TRPM3: variants seen among roughly 807,000 people sequenced by gnomAD.
TRPM3 encodes the protein long transient receptor potential channel 3.
A neutral mutation model predicts 181.2 loss-of-function variants in TRPM3; 77 were observed. The ratio of observed to expected loss-of-function variants is 0.42; its 90% CI spans 0.35 to 0.51. The LOEUF is 0.51. TRPM3 is among the 20% of genes least tolerant of loss of function. The pLI is 0.01. For missense variants in TRPM3, 1,759 were observed against 2,196.7 expected (o/e 0.80, Z 3.98); for synonymous variants, 745 against 796.4 (o/e 0.94, Z 1.09).
chr9:70,976,370 C>G (rs2097302922), intron 1 of TRPM3, among the ~76,000 whole-genome samples: 1 of 152,180 alleles, frequency 6.6e-6, no homozygotes, highest in Admixed American at 6.5e-5. Flanking sequence ...TCAACAACAT[C>G]CACACATGGA....
At chr9:71,240,727 C>T (rs1176343104) in intron 1 of TRPM3, among the ~76,000 whole-genome samples, 2 of 152,052 alleles carry the variant, frequency 1.3e-5, no homozygotes, top group South Asian at 2.1e-4. Context: ...GTTAGATTCA[C>T]GGAGAGAGGT....
chr9:70,602,106 C>CTTTTTTTT (rs6151027), intron 20 of TRPM3, among the ~76,000 whole-genome samples: 5,928 of 127,920 alleles, frequency 0.046, 207 homozygotes, highest in African/African-American at 0.061. Flanking sequence ...CAAGGCATTC[C>CTTTTTTTT]TTTTTTTTTT....
intron 1 of TRPM3, among the ~76,000 whole-genome samples, chr9:71,209,642 C>T (rs1158156541): frequency 5.3e-5 from 8 of 152,282 alleles, no homozygotes; most frequent in Non-Finnish European, 8.8e-5. Flanking sequence ...CTGTGGCAGG[C>T]GCTGCAAACT....
chr9:71,112,939 T>G (rs1438279432), intron 1 of TRPM3, among the ~76,000 whole-genome samples: 1 of 152,040 alleles, frequency 6.6e-6, no homozygotes, highest in Non-Finnish European at 1.5e-5. Flanking sequence ...AAATAAGTCA[T>G]GCAAAAAACT....
intron 21 of TRPM3, among the ~76,000 whole-genome samples, chr9:70,593,511 G>T (rs2058482679): frequency 6.6e-6 from 1 of 152,180 alleles, no homozygotes; most frequent in Admixed American, 6.5e-5. Flanking sequence ...AGGAAACTCA[G>T]CCAGTAAATA....
intron 1 of TRPM3, among the ~76,000 whole-genome samples, chr9:70,892,634 A>G (rs1419608348): frequency 6.7e-6 from 1 of 149,890 alleles, no homozygotes; most frequent in Non-Finnish European, 1.5e-5. Context: ...AAAACTAGCC[A>G]ATCTGCAAGC....
At chr9:71,360,556 T>C (rs777182496) in intron 1 of TRPM3, among the ~76,000 whole-genome samples, 1 of 152,180 alleles carries the variant, frequency 6.6e-6, no homozygotes, top group African/African-American at 2.4e-5. Flanking sequence ...AATCTCTAAA[T>C]TGAAAACCAC....
Position 70,892,561 on chromosome 9 carries a change from T to C in TRPM3, c.178-28050A>G, listed in dbSNP as rs114585974. The stretch of plus-strand genomic sequence containing the variant: ...TGGAGAGAAAAAAGTCTCAAGTCAA[T>C]ACATTGCTACTTCTTTAGGTTCAAG... On this transcript the variant is annotated intron_variant, in intron 1 of 25. Coordinates refer to ENST00000677713, the MANE Select transcript of TRPM3 (RefSeq NM_001366145.2). 4.3e-3 allele frequency among the ~76,000 whole-genome samples: 637 copies of C among 149,174 alleles called. 3 individuals are homozygous for C. The highest frequency in any genetic ancestry group is 0.015 in the African/African-American group (592 of 40,390).
chr9:71,226,630 TTGTG>T lies in TRPM3; in HGVS notation c.183+220019_183+220022del, dbSNP rs549314043. On this transcript the variant is annotated intron_variant, in intron 1 of 24. Coordinates refer to the TRPM3 transcript ENST00000357533. ...GGAGTCAGTTCAGCAGAGGATATGA[TTGTG>T]TGTGTGTGTGTATATACACATATAT... Among the ~76,000 whole-genome samples, 872 of 151,402 alleles carry T rather than the reference TTGTG, an allele frequency of 5.8e-3. 7 individuals carry two copies. The highest frequency in any genetic ancestry group is 9.9e-3 in the Non-Finnish European group (674 of 67,802).
At chr9:70,868,517 C>T (rs2095706202) in intron 1 of TRPM3, among the ~76,000 whole-genome samples, 1 of 151,986 alleles carries the variant, frequency 6.6e-6, no homozygotes. Flanking sequence ...AAATGTTAGT[C>T]CCCAAACTAC....
chr9:71,420,806 A>AGG (rs1391992649), intron 1 of TRPM3, among the ~76,000 whole-genome samples: 1,179 of 22,970 alleles, frequency 0.051, 429 homozygotes, highest in Non-Finnish European at 0.11. Flanking sequence ...AAAGAAAGAG[A>AGG]GAAAGAAAGA....
intron 5 of TRPM3, among the ~76,000 whole-genome samples, chr9:70,838,487 T>C (rs1351299118): frequency 2.0e-5 from 3 of 152,192 alleles, no homozygotes; most frequent in African/African-American, 7.2e-5. Flanking sequence ...CTATTGTTTA[T>C]AAGCCCCCTG....
chr9:71,304,629 C>A (rs1050801697), intron 1 of TRPM3, among the ~76,000 whole-genome samples: 1 of 152,256 alleles, frequency 6.6e-6, no homozygotes, highest in African/African-American at 2.4e-5. Flanking sequence ...CATAGACATG[C>A]CACATCACCA....
At chr9:70,829,592 GTTAAT>G (rs2093766792) in intron 5 of TRPM3, among the ~76,000 whole-genome samples, 1 of 152,140 alleles carries the variant, frequency 6.6e-6, no homozygotes, top group Non-Finnish European at 1.5e-5. Context: ...TTGCTATAAT[GTTAAT>G]TTGTCAATGT....
intron 8 of TRPM3, among the ~76,000 whole-genome samples, chr9:70,747,487 A>C (rs1262764527): frequency 2.0e-5 from 3 of 152,154 alleles, no homozygotes; most frequent in Admixed American, 2.0e-4. Flanking sequence ...ACTGCAGGCA[A>C]AACATTCTAC....
intron 1 of TRPM3, among the ~76,000 whole-genome samples, chr9:71,334,996 A>C (rs1039562954): frequency 1.3e-5 from 2 of 152,170 alleles, no homozygotes; most frequent in Non-Finnish European, 2.9e-5. Context: ...AAATGATGGA[A>C]TTTTGCCCTA....
intron 1 of TRPM3, among the ~76,000 whole-genome samples, chr9:70,987,709 G>T (rs867346265): frequency 6.6e-6 from 1 of 151,964 alleles, no homozygotes; most frequent in Non-Finnish European, 1.5e-5. Context: ...CGATTGACTA[G>T]GAGTTTCCAT....
intron 1 of TRPM3, among the ~76,000 whole-genome samples, chr9:71,320,154 A>C (rs1446085172): frequency 6.6e-6 from 1 of 152,040 alleles, no homozygotes; most frequent in Non-Finnish European, 1.5e-5. Context: ...TATATTAAAA[A>C]GAACAGCAAT....
At chr9:71,182,082 T>C (rs560919138) in intron 1 of TRPM3, among the ~76,000 whole-genome samples, 1 of 152,126 alleles carries the variant, frequency 6.6e-6, no homozygotes, top group East Asian at 1.9e-4. Flanking sequence ...AGATGTCTTG[T>C]TTTTTTTATA....
Sources: allele counts gnomAD v4.1 joint callset (sites outside exome capture counted in the v4.1 genomes callset), GRCh38; gene constraint gnomAD v4.1.1; transcripts MANE v1.5; gene names NCBI Gene and HGNC (gene_info 2026-07-23, HGNC 2026-07-21).